Variants in SERPINA5 observed in about 807,000 individuals in gnomAD.
SERPINA5 encodes the protein plasma serine protease inhibitor.
A neutral mutation model predicts 25.3 loss-of-function variants in SERPINA5; 25 were observed. That is an observed-to-expected ratio of 0.99 (90% CI 0.72 to 1.38). SERPINA5 has a LOEUF of 1.38. Ranked by LOEUF, SERPINA5 falls within the 40% of genes most tolerant of loss-of-function variation. SERPINA5 has a pLI of 0.00. For synonymous variants in SERPINA5, 234 were observed against 206.2 expected, an observed-to-expected ratio of 1.14 and a Z score of -1.16; for missense variants, 599 against 509.5, an observed-to-expected ratio of 1.18 and a Z score of -1.69.
chr14:94,585,389 T>G (rs1180051231), intron 2 of SERPINA5, among the ~76,000 whole-genome samples: 1 of 151,906 alleles, frequency 6.6e-6, no homozygotes, highest in Non-Finnish European at 1.5e-5. Context: ...CAGGACACAA[T>G]TTGGAGGCTG....
At chr14:94,591,999 G>T in intron 5 of SERPINA5, 58 bp from the exon 6 acceptor site, 1 of 1,556,038 alleles carries the variant, frequency 6.4e-7, no homozygotes, top group Non-Finnish European at 8.7e-7. Context: ...TTTGCCATTT[G>T]CTATGATGAC....
At chr14:94,591,309 A>C (rs1380749834) in intron 5 of SERPINA5, among the ~76,000 whole-genome samples, 8 of 64,988 alleles carry the variant, frequency 1.2e-4, no homozygotes, top group South Asian at 4.5e-4. Flanking sequence ...CCACTCATCC[A>C]CTCCACTCTT....
At chr14:94,586,261 G>A (rs890273296) in intron 2 of SERPINA5, among the ~76,000 whole-genome samples, 2 of 152,196 alleles carry the variant, frequency 1.3e-5, no homozygotes, top group African/African-American at 4.8e-5. Flanking sequence ...TCTGGAAGAT[G>A]AAAAGATGTC....
intron 5 of SERPINA5, among the ~76,000 whole-genome samples, chr14:94,591,150 C>T (rs1426112933): frequency 2.0e-5 from 3 of 149,862 alleles, no homozygotes; most frequent in Admixed American, 6.6e-5. Flanking sequence ...TATTCCATTC[C>T]ACTCCATTCC....
At position 94,586,349 on chromosome 14, in the gene SERPINA5, C is replaced by G. The variant is rs376072974; in HGVS notation, c.-17-997C>G. Among the ~76,000 whole-genome samples, 65 of 152,328 alleles carry G rather than the reference C, an allele frequency of 4.3e-4. 2 individuals carry two copies. The South Asian group carries it at 0.012, about 27-fold the overall frequency. ...AACAGAAATTTCTTTCTTTACAACTCTGGAAGCTGGAAGTCTGAGATTAAG... is the reference window on the plus strand; with the variant it reads ...AACAGAAATTTCTTTCTTTACAACTGTGGAAGCTGGAAGTCTGAGATTAAG... On this transcript the variant is annotated intron_variant, in intron 2 of 5. Transcript: ENST00000329597.
At chr14:94,591,208 T>TCTCCACTCCACTC (rs1372575551) in intron 5 of SERPINA5, among the ~76,000 whole-genome samples, 1 of 124,388 alleles carries the variant, frequency 8.0e-6, no homozygotes, top group African/African-American at 3.1e-5. Flanking sequence ...CCACTCCACA[T>TCTCCACTCCACTC]CTCCACTCCA....
chr14:94,584,790 G>T (rs1885022633), intron 2 of SERPINA5, among the ~76,000 whole-genome samples: 1 of 152,186 alleles, frequency 6.6e-6, no homozygotes, highest in African/African-American at 2.4e-5. Context: ...CCTGTGGGGG[G>T]TTGAGCCACA....
At chr14:94,583,708 C>T (rs1195109092) in intron 2 of SERPINA5, among the ~76,000 whole-genome samples, 3 of 152,180 alleles carry the variant, frequency 2.0e-5, no homozygotes, top group Admixed American at 6.5e-5. Context: ...ACATCCCCAC[C>T]ACCTCCCACC....
rs1411080814 is a variant in SERPINA5, at chr14:94,592,977, A to T, written c.*738A>T. 1 of 151,998 alleles carries T rather than the reference A, an allele frequency of 6.6e-6. No individual in the cohort carries two copies. The highest frequency in any genetic ancestry group is 1.5e-5 in the Non-Finnish European group (1 of 68,028). 9.4% of individuals were successfully genotyped at this position (151,998 alleles called of 1,614,324 possible). Reference sequence around the variant, plus strand: ...AATGATTGATTATATCATTTTGTGGATATAGTTATAATCTGATGGGCCTGG... The same window carrying T: ...AATGATTGATTATATCATTTTGTGGTTATAGTTATAATCTGATGGGCCTGG... On this transcript the variant is annotated 3_prime_UTR_variant, in exon 6 of 6. Transcript: ENST00000329597.
rs139825138 is a variant in SERPINA5 at position 94,592,141 on chromosome 14, G to A, written c.1123G>A (p.Ala375Thr). 9 of 1,614,152 alleles carry A rather than the reference G, an allele frequency of 5.6e-6. No individual in the cohort carries two copies. The highest frequency in any genetic ancestry group is 7.6e-6 in the Non-Finnish European group (9 of 1,180,016). Reference sequence around the variant, plus strand: ...GGGGACAATATTCACTTTCAGGTCGGCCCGCCTGAACTCTCAGAGGCTAGT... The same window carrying A: ...GGGGACAATATTCACTTTCAGGTCGACCCGCCTGAACTCTCAGAGGCTAGT... ...ATGTIFTFRSARLNSQRLVFN... is the reference protein window; with the variant it reads ...ATGTIFTFRSTRLNSQRLVFN... Residue 375 changes from alanine (A) to threonine (T), a missense_variant, in exon 6 of 6, where the codon GCC (alanine) becomes ACC (threonine). Ala to Thr is a moderately conservative substitution (Grantham distance 58). Transcript: ENST00000329597.
At position 94,587,692 on chromosome 14, in the gene SERPINA5, C is replaced by T; in HGVS notation, c.330C>T (p.Gly110=). The T allele has an allele frequency of 1.9e-6, 3 of 1,614,184 alleles. No individual in the cohort carries two copies. The highest frequency in any genetic ancestry group is 2.5e-6 in the Non-Finnish European group (3 of 1,180,012). ...QKSSEKELHR[G]FQQLLQELNQ... is the part of the protein sequence containing the mutation. ...GCTCAGAGAAGGAGCTGCACAGAGG[C>T]TTTCAGCAGCTCCTTCAGGAACTCA... Residue 110 remains glycine, a synonymous_variant, in exon 3 of 6, where the codon GGC becomes GGT. Transcript: ENST00000329597.
rs770799952 is a variant in SERPINA5 at position 94,590,121 on chromosome 14, C to A, written c.700C>A (p.Pro234Thr). 4 of 1,614,088 alleles carry A rather than the reference C, an allele frequency of 2.5e-6. No homozygotes were observed. In the South Asian group the frequency reaches 4.4e-5, roughly 18 times the overall value. Residue 234 changes from proline (P) to threonine (T), a missense_variant, in exon 4 of 6, where the codon CCC becomes ACC. Physicochemically the swap from Pro to Thr is conservative, Grantham distance 38 (BLOSUM62 -1). Coordinates refer to ENST00000329597, the MANE Select transcript of SERPINA5 (RefSeq NM_000624.6). ...YVTSETVVRV[P>T]MMSREDQYHY... is the part of the protein sequence containing the mutation. ...GACCTCGGAGACTGTGGTGCGGGTA[C>A]CCATGATGAGCCGCGAGGATCAGTA...
At position 94,590,395 on chromosome 14, in the gene SERPINA5, G is replaced by A. The variant is rs1885241888; in HGVS notation, c.890+84G>A. On this transcript the variant is annotated intron_variant, in intron 4 of 5. Transcript: ENST00000329597. ...CGCCCTACCAGGGCCACACAGCACT[G>A]GTGGGAAGGACTCACCCAGCCAAGG... 4 of 1,474,162 alleles carry A rather than the reference G, an allele frequency of 2.7e-6. No individual in the cohort carries two copies. The African/African-American group carries it at 5.6e-5, about 21-fold the overall frequency. The allele number at this position is 1,474,162 out of a possible 1,614,324, so 91.3% of individuals were successfully genotyped here.
chr14:94,585,758 C>T lies in SERPINA5; in HGVS notation c.-17-1588C>T, dbSNP rs974576075. On this transcript the variant is annotated intron_variant, in intron 2 of 5. Coordinates refer to ENST00000329597, the MANE Select transcript of SERPINA5 (RefSeq NM_000624.6). The stretch of plus-strand genomic sequence containing the variant: ...ATTAGCCAGCCTGGGTGCTGTCAGG[C>T]TCACACGTGTGTGTGTGTGTGTGTG... Among the ~76,000 whole-genome samples, 142 of 127,598 alleles carry T rather than the reference C, an allele frequency of 1.1e-3. 1 individual carries two copies. The highest frequency in any genetic ancestry group is 4.2e-3 in the African/African-American group (136 of 32,050). The allele number at this position is 127,598 out of a possible 152,430, so 83.7% of individuals were successfully genotyped here.
intron 2 of SERPINA5, among the ~76,000 whole-genome samples, chr14:94,584,639 G>A (rs1386357137): frequency 6.6e-6 from 1 of 152,126 alleles, no homozygotes; most frequent in East Asian, 1.9e-4. Context: ...GCTTGCCCAG[G>A]GTGACCTAGT....
intron 5 of SERPINA5, 107 bp downstream of exon 5, chr14:94,591,003 T>C (rs1282670984): frequency 9.0e-6 from 9 of 1,004,680 alleles, no homozygotes; most frequent in Non-Finnish European, 1.3e-5. Flanking sequence ...TCAACTCCAC[T>C]CCACTCCACT....
rs149214810 is a variant in SERPINA5 at position 94,592,192 on chromosome 14, A to G, written c.1174A>G (p.Ile392Val). The G allele has an allele frequency of 2.3e-5, 37 of 1,614,172 alleles. 1 individual carries two copies. In the Middle Eastern group the frequency reaches 6.6e-4, roughly 29 times the overall value. The change falls in exon 6 of 6, where the codon ATT becomes GTT. Residue 392 changes from isoleucine to valine, a missense_variant. Coordinates refer to ENST00000329597, the MANE Select transcript of SERPINA5 (RefSeq NM_000624.6). ...GTTCAACAGGCCCTTTCTGATGTTC[A>G]TTGTGGATAACAACATCCTCTTCCT... ...LVFNRPFLMF[I>V]VDNNILFLGK...
At position 94,590,834 on chromosome 14, in the gene SERPINA5, G is replaced by A. The variant is rs1041076479; in HGVS notation, c.976G>A (p.Val326Ile). The A allele has an allele frequency of 5.6e-6, 9 of 1,613,902 alleles. No homozygotes were observed. Among genetic ancestry groups the A allele is most frequent in the South Asian group, 2.2e-5 (2 of 91,080 alleles). The change falls in exon 5 of 6, where the codon GTC becomes ATC. Residue 326 changes from valine to isoleucine, a missense_variant. Physicochemically the swap from Val to Ile is conservative, Grantham distance 29 (BLOSUM62 3). Transcript: ENST00000329597. ...KVLPSLGISN[V>I]FTSHADLSGI... ...CCTCCCCAGTCTGGGGATCAGTAAC[G>A]TCTTCACCTCCCATGCTGATCTGTC...
At chr14:94,592,014 C>T in intron 5 of SERPINA5, 43 bp from the exon 6 acceptor site, 5 of 1,583,724 alleles carry the variant, frequency 3.2e-6, no homozygotes, top group Non-Finnish European at 3.4e-6. Context: ...GATGACTTCA[C>T]CTGCCCCTAG....
Sources: gnomAD v4.1 joint callset for allele counts (sites outside exome capture counted in the v4.1 genomes callset) on GRCh38, gnomAD v4.1.1 for gene constraint, MANE v1.5 for transcripts, NCBI Gene and HGNC (gene_info 2026-07-23, HGNC 2026-07-21) for gene names.